The following MACROD2 variants were observed in gnomAD, a reference collection of about 807,000 sequenced individuals.
The protein encoded by MACROD2 is mono-ADP ribosylhydrolase 2, also known as ADP-ribose glycohydrolase MACROD2.
MACROD2 carries 36 observed loss-of-function variants against 70.4 expected under a neutral mutation model. The ratio of observed to expected loss-of-function variants is 0.51; its 90% CI spans 0.39 to 0.68. The LOEUF is 0.68. Among genes scored for constraint, MACROD2 ranks in the 30% least tolerant of loss-of-function variants. The pLI, the probability that MACROD2 is intolerant of heterozygous loss-of-function variation, is 0.00. For missense variants in MACROD2, 496 were observed against 538.4 expected, an observed-to-expected ratio of 0.92 and a Z score of 0.78; for synonymous variants, 172 against 178.8, an observed-to-expected ratio of 0.96 and a Z score of 0.30.
At chr20:16,033,930 A>T (rs2067189402) in intron 15 of MACROD2, among the ~76,000 whole-genome samples, 1 of 151,952 alleles carries the variant, frequency 6.6e-6, no homozygotes, top group Non-Finnish European at 1.5e-5. Context: ...TGAGAGAAGG[A>T]ATTTCTAGAA....
chr20:15,475,265 G>A (rs541221928), intron 7 of MACROD2, among the ~76,000 whole-genome samples: 2 of 152,234 alleles, frequency 1.3e-5, no homozygotes, highest in South Asian at 4.1e-4. Flanking sequence ...ACCAAGGTAG[G>A]ACTGTATAGT....
At chr20:14,987,218 T>C (rs1340659908) in intron 5 of MACROD2, among the ~76,000 whole-genome samples, 1 of 152,154 alleles carries the variant, frequency 6.6e-6, no homozygotes, top group Non-Finnish European at 1.5e-5. Flanking sequence ...AATCTAACAA[T>C]TGATTTGTGG....
chr20:15,381,089 T>C (rs901206516), intron 6 of MACROD2, among the ~76,000 whole-genome samples: 4 of 152,166 alleles, frequency 2.6e-5, no homozygotes, highest in African/African-American at 9.7e-5. Flanking sequence ...TAAGAATTAA[T>C]TAACTATGTG....
intron 3 of MACROD2, among the ~76,000 whole-genome samples, chr20:14,108,865 G>A (rs1421839541): frequency 1.3e-5 from 2 of 152,006 alleles, no homozygotes; most frequent in African/African-American, 4.8e-5. Context: ...CTTTGAGATG[G>A]AAAATCAACA....
chr20:14,319,622 T>C (rs1031886629), intron 3 of MACROD2, among the ~76,000 whole-genome samples: 5 of 152,222 alleles, frequency 3.3e-5, no homozygotes, highest in African/African-American at 1.2e-4. Context: ...GCTGCTTTCA[T>C]AATCCCCAAG....
intron 6 of MACROD2, among the ~76,000 whole-genome samples, chr20:15,305,260 A>G (rs890017150): frequency 6.6e-6 from 1 of 151,682 alleles, no homozygotes; most frequent in African/African-American, 2.4e-5. Context: ...TCTCATGTTT[A>G]AGATATTTTC....
At chr20:14,545,954 C>A (rs1222327383) in intron 4 of MACROD2, among the ~76,000 whole-genome samples, 2 of 152,156 alleles carry the variant, frequency 1.3e-5, no homozygotes, top group Non-Finnish European at 2.9e-5. Context: ...ATTGCATTGA[C>A]TGGCCGCTTG....
At chr20:15,171,470 C>T (rs920417555) in intron 5 of MACROD2, among the ~76,000 whole-genome samples, 5 of 151,788 alleles carry the variant, frequency 3.3e-5, no homozygotes, top group Admixed American at 6.6e-5. Context: ...CTCCTTATCA[C>T]CCCCTGACCC....
At chr20:14,332,283 A>C (rs935046728) in intron 3 of MACROD2, among the ~76,000 whole-genome samples, 1 of 152,144 alleles carries the variant, frequency 6.6e-6, no homozygotes, top group Non-Finnish European at 1.5e-5. Flanking sequence ...TAAAACATGT[A>C]AATAGATAAG....
intron 5 of MACROD2, among the ~76,000 whole-genome samples, chr20:14,939,003 A>G (rs982639489): frequency 7.4e-6 from 1 of 135,592 alleles, no homozygotes; most frequent in African/African-American, 2.8e-5. Context: ...TCTGGTTATC[A>G]ATCCCTTGTC....
intron 15 of MACROD2, among the ~76,000 whole-genome samples, chr20:16,021,948 G>A (rs1319480917): frequency 1.3e-5 from 2 of 151,906 alleles, no homozygotes; most frequent in Non-Finnish European, 2.9e-5. Context: ...TGAATAAAGT[G>A]CTTTTCCAGA....
chr20:15,501,799 C>G (rs2146494776), intron 8 of MACROD2, among the ~76,000 whole-genome samples: 1 of 152,222 alleles, frequency 6.6e-6, no homozygotes, highest in Non-Finnish European at 1.5e-5. Flanking sequence ...ATTGGTAGGT[C>G]TTAGATAAAA....
intron 6 of MACROD2, among the ~76,000 whole-genome samples, chr20:15,342,015 C>G (rs757973623): frequency 1.3e-5 from 2 of 152,062 alleles, no homozygotes; most frequent in Non-Finnish European, 2.9e-5. Flanking sequence ...GATCACACCA[C>G]TGTACTTCAG....
rs147475991 is a variant in MACROD2 at position 15,741,912 on chromosome 20, C to G, written c.646-120833C>G. On this transcript the variant is annotated intron_variant, in intron 8 of 17. Coordinates refer to ENST00000684519, the MANE Select transcript of MACROD2 (RefSeq NM_001351661.2). The stretch of plus-strand genomic sequence containing the variant: ...AATGAATGAATGAGTTAATAATAAA[C>G]AAATACGTTGATTGATTGATTGACT... Among the ~76,000 whole-genome samples, 248 of 152,198 alleles carry G rather than the reference C, an allele frequency of 1.6e-3. 1 individual carries two copies. Among genetic ancestry groups the G allele is most frequent in the African/African-American group, 5.8e-3 (240 of 41,536 alleles).
At chr20:14,714,468 T>G (rs2071374338) in intron 5 of MACROD2, among the ~76,000 whole-genome samples, 1 of 152,194 alleles carries the variant, frequency 6.6e-6, no homozygotes, top group African/African-American at 2.4e-5. Flanking sequence ...GCAAAAGATT[T>G]CAACGTGACC....
At chr20:15,484,940 T>C (rs980370583) in intron 7 of MACROD2, among the ~76,000 whole-genome samples, 6 of 152,150 alleles carry the variant, frequency 3.9e-5, no homozygotes, top group African/African-American at 1.4e-4. Context: ...CTCTCCAGTT[T>C]TGGGGACAGC....
intron 3 of MACROD2, among the ~76,000 whole-genome samples, chr20:14,153,240 A>G (rs2055049839): frequency 1.3e-5 from 2 of 152,216 alleles, no homozygotes; most frequent in South Asian, 4.1e-4. Flanking sequence ...GATTGCTTGA[A>G]AAGAAAACAA....
chr20:14,836,347 T>G (rs2073030169), intron 5 of MACROD2, among the ~76,000 whole-genome samples: 1 of 152,014 alleles, frequency 6.6e-6, no homozygotes, highest in South Asian at 2.1e-4. Context: ...TAGCACAAAT[T>G]CGTTAAAATT....
intron 5 of MACROD2, chr20:14,850,273 C>T (rs1479353426): frequency 5.7e-6 from 1 of 176,182 alleles, no homozygotes; most frequent in Non-Finnish European, 1.2e-5. Context: ...TAAAACCCAG[C>T]CTAATAAAGT....
Sources: gnomAD v4.1 joint callset for allele counts (sites outside exome capture counted in the v4.1 genomes callset) on GRCh38, gnomAD v4.1.1 for gene constraint, MANE v1.5 for transcripts, NCBI Gene and HGNC (gene_info 2026-07-23, HGNC 2026-07-21) for gene names.